HELZ: variants seen among roughly 807,000 people sequenced by gnomAD.
HELZ encodes ATP-dependent RNA helicase with zinc finger domain.
Under a neutral mutation model 218.2 loss-of-function variants are expected in HELZ, and 23 were observed. The ratio of observed to expected loss-of-function variants is 0.11; its 90% CI spans 0.08 to 0.15. The LOEUF is 0.15. Ranked by LOEUF, HELZ falls within the 10% of genes least tolerant of loss-of-function variation. The pLI, the probability that HELZ is intolerant of heterozygous loss-of-function variation, is 1.00. For synonymous variants in HELZ, 814 were observed against 829.4 expected (o/e 0.98, Z 0.32); for missense variants, 1,813 against 2,353.7 (o/e 0.77, Z 4.75).
intron 2 of HELZ, among the ~76,000 whole-genome samples, chr17:67,241,674 ACTT>A (rs1159573146): frequency 9.9e-5 from 15 of 152,208 alleles, no homozygotes; most frequent in Non-Finnish European, 2.2e-4. Flanking sequence ...AGAAAATAAA[ACTT>A]CTTGTTAACA....
chr17:67,181,775 G>A lies in HELZ; in HGVS notation c.1163-2849C>T, dbSNP rs550792341. 5.3e-5 allele frequency among the ~76,000 whole-genome samples: 8 copies of A among 152,022 alleles called. No individual in the cohort carries two copies. The East Asian group carries it at 5.8e-4, about 11-fold the overall frequency. On this transcript the variant is annotated intron_variant, in intron 12 of 32. Coordinates refer to ENST00000358691, the MANE Select transcript of HELZ (RefSeq NM_014877.4). ...AACTACTGATCTAAGTCTTTAACTC[G>A]GATGTCAAAAATGAACTATGGCCAG...
chr17:67,136,720 AT>A (rs2038163530), intron 22 of HELZ, among the ~76,000 whole-genome samples: 1 of 152,190 alleles, frequency 6.6e-6, no homozygotes, highest in Non-Finnish European at 1.5e-5. Flanking sequence ...ATATAATTCC[AT>A]TTATATGAGG....
chr17:67,233,145 A>C (rs1213972580), intron 3 of HELZ, among the ~76,000 whole-genome samples: 3 of 152,158 alleles, frequency 2.0e-5, no homozygotes. Flanking sequence ...AAAAAATAAA[A>C]TAAACATAAC....
At chr17:67,135,184 C>T (rs1008687062) in intron 23 of HELZ, among the ~76,000 whole-genome samples, 9 of 151,890 alleles carry the variant, frequency 5.9e-5, no homozygotes, top group African/African-American at 1.9e-4. Context: ...ATAATGCTAC[C>T]GAAAGACAAG....
intron 2 of HELZ, among the ~76,000 whole-genome samples, chr17:67,242,350 T>G (rs2041335533): frequency 6.7e-6 from 1 of 150,218 alleles, no homozygotes; most frequent in African/African-American, 2.4e-5. Context: ...AGGTAGAGGT[T>G]GCAGTGAGCT....
At chr17:67,177,439 G>A (rs1194940738) in intron 13 of HELZ, among the ~76,000 whole-genome samples, 1 of 151,898 alleles carries the variant, frequency 6.6e-6, no homozygotes, top group Non-Finnish European at 1.5e-5. Flanking sequence ...ACAAATAAAA[G>A]TTAATATATA....
At chr17:67,086,779 T>C in intron 32 of HELZ, 50 bp downstream of exon 32, 2 of 1,590,762 alleles carry the variant, frequency 1.3e-6, no homozygotes, top group Non-Finnish European at 1.7e-6. Context: ...TCCACAGATA[T>C]CCGGGAGCTG....
In HELZ at chr17:67,087,133, CCTCT is replaced by C. The variant is rs1050409056; in HGVS notation, c.5242-56_5242-53del. 4 of 1,567,576 alleles carry C rather than the reference CCTCT, an allele frequency of 2.6e-6. No homozygotes were observed. In the African/African-American group the frequency reaches 4.1e-5, roughly 16 times the overall value. ...AAATCAGTGCACCTTGTGCCATAGT[CCTCT>C]CTCTTTTCACTCCATAGCAATATCT... On this transcript the variant is annotated intron_variant, in intron 31 of 32. Coordinates refer to ENST00000358691, the MANE Select transcript of HELZ (RefSeq NM_014877.4).
chr17:67,216,764 A>G (rs2040611116), intron 4 of HELZ, among the ~76,000 whole-genome samples: 1 of 152,104 alleles, frequency 6.6e-6, no homozygotes, highest in South Asian at 2.1e-4. Flanking sequence ...ACTCAGACAC[A>G]TTCTCATGGC....
intron 31 of HELZ, among the ~76,000 whole-genome samples, chr17:67,089,799 G>C (rs1342251796): frequency 6.7e-6 from 1 of 149,844 alleles, no homozygotes; most frequent in Non-Finnish European, 1.5e-5. Flanking sequence ...TTAGTTACAG[G>C]AATCTCCCAA....
intron 23 of HELZ, among the ~76,000 whole-genome samples, chr17:67,129,391 CACAT>C (rs1184665420): frequency 2.0e-5 from 3 of 151,996 alleles, no homozygotes; most frequent in East Asian, 1.9e-4. Flanking sequence ...TATATACACA[CACAT>C]AGATACCACA....
Position 67,114,391 on chromosome 17 carries a change from G to C in HELZ, c.3851C>G (p.Thr1284Arg). 1.2e-6 allele frequency: 2 copies of C among 1,604,440 alleles called. No individual in the cohort carries two copies. Among genetic ancestry groups the C allele is most frequent in the Non-Finnish European group, 1.7e-6 (2 of 1,171,486 alleles). Residue 1284 changes from threonine to arginine, a missense_variant, in exon 28 of 33, where the codon ACA (threonine) becomes AGA (arginine). Around this residue, in one of 4 missense-constraint regions of HELZ, gnomAD observed 938 missense variants for 1,027.5 expected, o/e 0.91. Transcript: ENST00000358691. ...HEQNRNGKSD[T>R]NNSGPEINKI... is the part of the protein sequence containing the mutation. The stretch of plus-strand genomic sequence containing the variant: ...ATTAATTTCAGGTCCGGAATTATTT[G>C]TATCACTTTTACCTAAGAAAATATT...
At chr17:67,203,618 CA>C (rs1262498962) in intron 5 of HELZ, among the ~76,000 whole-genome samples, 175 bp from the exon 6 acceptor site, 1 of 152,054 alleles carries the variant, frequency 6.6e-6, no homozygotes, top group East Asian at 1.9e-4. Flanking sequence ...CATATAAGAA[CA>C]AGAAAAAACA....
At chr17:67,144,608 C>G (rs746626384) in intron 21 of HELZ, among the ~76,000 whole-genome samples, 2 of 151,926 alleles carry the variant, frequency 1.3e-5, no homozygotes. Context: ...GTAACCCAGG[C>G]TGAGAAACTG....
chr17:67,085,554 G>T (rs201791204), intron 32 of HELZ, among the ~76,000 whole-genome samples: 11 of 151,350 alleles, frequency 7.3e-5, no homozygotes, highest in South Asian at 6.3e-4. Flanking sequence ...GCTTTTAAAT[G>T]TTTTTTTTTA....
At chr17:67,224,703 C>G in intron 3 of HELZ, 3 of 814,860 alleles carry the variant, frequency 3.7e-6, no homozygotes, top group Non-Finnish European at 6.2e-6. Flanking sequence ...GCCTAGGTTT[C>G]CATGCCCATA....
In HELZ at chr17:67,240,184, T is replaced by C. The variant is rs192533897; in HGVS notation, c.-75-695A>G. ...TAAGCTGATGGTAGTTTATCATTAT[T>C]ACTTATCACAGAAAATAAGAACAGA... On this transcript the variant is annotated intron_variant, in intron 2 of 32. Coordinates refer to ENST00000358691, the MANE Select transcript of HELZ (RefSeq NM_014877.4). 5.3e-5 allele frequency among the ~76,000 whole-genome samples: 8 copies of C among 152,358 alleles called. No individual in the cohort carries two copies. In the East Asian group the frequency reaches 1.5e-3, roughly 29 times the overall value.
intron 5 of HELZ, among the ~76,000 whole-genome samples, chr17:67,212,435 C>T (rs955481515): frequency 4.0e-5 from 6 of 150,674 alleles, no homozygotes; most frequent in Non-Finnish European, 7.4e-5. Flanking sequence ...CTTAGCATTA[C>T]GAAACTATAA....
chr17:67,212,619 C>A (rs2040487782), intron 5 of HELZ, among the ~76,000 whole-genome samples: 1 of 152,020 alleles, frequency 6.6e-6, no homozygotes. Context: ...ATGTCTATTT[C>A]AAATAAACAA....
Sources: allele counts gnomAD v4.1 joint callset (sites outside exome capture counted in the v4.1 genomes callset), GRCh38; gene constraint gnomAD v4.1.1; regional missense constraint gnomAD v4.1.1; transcripts MANE v1.5; gene names NCBI Gene and HGNC (gene_info 2026-07-23, HGNC 2026-07-21).